NMD3: variants seen among roughly 807,000 people sequenced by gnomAD.
NMD3 encodes 60S ribosomal export protein NMD3.
In NMD3, 47 loss-of-function variants were observed where a neutral mutation model predicts 73.1. The observed-to-expected ratio is 0.64, with a 90% CI of 0.51 to 0.82. The LOEUF (loss-of-function observed/expected upper bound fraction) is 0.82. NMD3 is among the 40% of genes least tolerant of loss of function. The pLI, the probability that NMD3 is intolerant of heterozygous loss-of-function variation, is 0.00. For missense variants in NMD3, 554 were observed against 612.5 expected, an observed-to-expected ratio of 0.90 and a Z score of 1.01; for synonymous variants, 210 against 194.5, an observed-to-expected ratio of 1.08 and a Z score of -0.66.
At chr3:161,238,419 T>G (rs1012095227) in intron 8 of NMD3, among the ~76,000 whole-genome samples, 1 of 152,218 alleles carries the variant, frequency 6.6e-6, no homozygotes, top group African/African-American at 2.4e-5. Flanking sequence ...AAAGGTACTA[T>G]TAGTGTGAAC....
At chr3:161,242,460 G>A in intron 10 of NMD3, 48 bp from the exon 11 acceptor site, 1 of 1,536,292 alleles carries the variant, frequency 6.5e-7, no homozygotes, top group Non-Finnish European at 8.9e-7. Flanking sequence ...TTTGATAATT[G>A]AAATATATAA....
At chr3:161,245,808 A>ATTGTAG (rs1737181336) in intron 11 of NMD3, among the ~76,000 whole-genome samples, 1 of 152,166 alleles carries the variant, frequency 6.6e-6, no homozygotes, top group African/African-American at 2.4e-5. Flanking sequence ...GTAGAGAATG[A>ATTGTAG]TTGTAGTCTA....
intron 7 of NMD3, 26 bp from the exon 8 acceptor site, chr3:161,238,087 C>T: frequency 7.6e-7 from 1 of 1,316,736 alleles, no homozygotes. Flanking sequence ...TAATTATTTT[C>T]ATAGGGCTTT....
At position 161,252,269 on chromosome 3, in the gene NMD3, A is replaced by G. The variant is rs1291138208; in HGVS notation, c.*1359A>G. On this transcript the variant is annotated 3_prime_UTR_variant, in exon 16 of 16. Coordinates refer to ENST00000351193, the MANE Select transcript of NMD3 (RefSeq NM_015938.5). The stretch of plus-strand genomic sequence containing the variant: ...CCGTGTCAAGATATTTTAAAGCATG[A>G]AAATAAAGCCATTCTTGCCCTTTTT... 1 of 152,194 alleles carries G rather than the reference A, an allele frequency of 6.6e-6. No individual in the cohort carries two copies. The highest frequency in any genetic ancestry group is 2.4e-5 in the African/African-American group (1 of 41,454). The allele number at this position is 152,194 out of a possible 1,614,324, so 9.4% of individuals were successfully genotyped here.
chr3:161,240,725 G>A (rs927127261), intron 9 of NMD3, among the ~76,000 whole-genome samples: 1 of 151,170 alleles, frequency 6.6e-6, no homozygotes, highest in African/African-American at 2.4e-5. Flanking sequence ...ATGGAGACAG[G>A]GTCTCCATAT....
chr3:161,227,728 T>C (rs1736379328), intron 4 of NMD3, among the ~76,000 whole-genome samples: 1 of 152,166 alleles, frequency 6.6e-6, no homozygotes. Context: ...ATTACAGGCG[T>C]GAGCCACCAT....
intron 4 of NMD3, among the ~76,000 whole-genome samples, chr3:161,232,883 C>T (rs1736594889): frequency 6.6e-6 from 1 of 150,390 alleles, no homozygotes; most frequent in South Asian, 2.1e-4. Flanking sequence ...ATATAGCAAA[C>T]TGTTTTGGCC....
At chr3:161,249,608 A>G (rs1410433520) in intron 14 of NMD3, 48 bp downstream of exon 14, 2 of 1,142,290 alleles carry the variant, frequency 1.8e-6, no homozygotes, top group Non-Finnish European at 1.3e-6. Context: ...GGAAATATTT[A>G]TGATAAATAC....
At position 161,233,409 on chromosome 3, in the gene NMD3, T is replaced by C; in HGVS notation, c.287T>C (p.Val96Ala). 6.2e-7 allele frequency: 1 copy of C among 1,610,210 alleles called. No individual in the cohort carries two copies. The highest frequency in any genetic ancestry group is 1.7e-4 in the Middle Eastern group (1 of 6,036). The change falls in exon 5 of 16, where the codon GTA becomes GCA. Residue 96 changes from valine to alanine, a missense_variant. Coordinates refer to ENST00000351193, the MANE Select transcript of NMD3 (RefSeq NM_015938.5). The stretch of plus-strand genomic sequence containing the variant: ...TGTGTTTTATTGAAGGTACGGCTTG[T>C]AGATGCAGGCTTTGTTTGGACTGAG... ...IKAPLSKVRL[V>A]DAGFVWTEPH...
chr3:161,226,114 T>C (rs1039733084), intron 3 of NMD3, among the ~76,000 whole-genome samples: 6 of 152,060 alleles, frequency 3.9e-5, no homozygotes, highest in Non-Finnish European at 8.8e-5. Context: ...CTCATCAGAA[T>C]GAAGGGTTTT....
rs368739680 is a variant in NMD3 at position 161,222,038 on chromosome 3, G to C, written c.25G>C (p.Asp9His). 1 of 1,520,242 alleles carries C rather than the reference G, an allele frequency of 6.6e-7. No homozygotes were observed. Among genetic ancestry groups the C allele is most frequent in the Non-Finnish European group, 8.9e-7 (1 of 1,122,782 alleles). The allele number at this position is 1,520,242 out of a possible 1,614,324, so 94.2% of individuals were successfully genotyped here. MEYMAESTDRSPGHILCCE... is the reference protein window; with the variant it reads MEYMAESTHRSPGHILCCE... ...GATGGAGTATATGGCAGAATCCACC[G>C]ACCGCAGCCCTGGACACATGTGAGT... The change falls in exon 2 of 16, where the codon GAC (aspartate) becomes CAC (histidine). Residue 9 changes from aspartate to histidine, a missense_variant. By Grantham distance (81) the Asp-to-His change is moderately conservative. Coordinates refer to ENST00000351193, the MANE Select transcript of NMD3 (RefSeq NM_015938.5).
At chr3:161,233,333 T>G in intron 4 of NMD3, 66 bp from the exon 5 acceptor site, 1 of 1,072,072 alleles carries the variant, frequency 9.3e-7, no homozygotes. Context: ...TGATGATTTG[T>G]TCTTTCGTGT....
At chr3:161,246,934 T>TG (rs1462978376) in intron 12 of NMD3, among the ~76,000 whole-genome samples, 1 of 35,238 alleles carries the variant, frequency 2.8e-5, no homozygotes, top group African/African-American at 1.3e-4. Flanking sequence ...GAATGAGGTG[T>TG]TTTTTTTTTG....
intron 4 of NMD3, among the ~76,000 whole-genome samples, chr3:161,229,758 A>C (rs1380746336): frequency 6.6e-6 from 1 of 152,192 alleles, no homozygotes; most frequent in East Asian, 1.9e-4. Flanking sequence ...AATGAGGAGG[A>C]ATCAGCAAAG....
intron 10 of NMD3, 31 bp from the exon 11 acceptor site, chr3:161,242,477 T>A: frequency 6.3e-7 from 1 of 1,590,008 alleles, no homozygotes; most frequent in East Asian, 2.2e-5. Context: ...ATAATTTTTC[T>A]TATGTTTTTG....
intron 12 of NMD3, 86 bp downstream of exon 12, chr3:161,246,534 T>C (rs562808476): frequency 1.9e-6 from 1 of 521,270 alleles, no homozygotes; most frequent in Non-Finnish European, 3.5e-6. Context: ...AATACTAACA[T>C]TGTTTATTCT....
chr3:161,237,173 A>G (rs982735929), intron 7 of NMD3, among the ~76,000 whole-genome samples: 1 of 152,102 alleles, frequency 6.6e-6, no homozygotes, highest in Non-Finnish European at 1.5e-5. Context: ...TGTCTTTAGT[A>G]ATTTCTACTG....
intron 11 of NMD3, among the ~76,000 whole-genome samples, chr3:161,245,734 G>A (rs1051298282): frequency 1.4e-4 from 21 of 151,794 alleles, no homozygotes; most frequent in Admixed American, 1.4e-3. Flanking sequence ...TTTAAAAATT[G>A]GGATGTTGTT....
Position 161,241,057 on chromosome 3 carries a change from C to A in NMD3, c.765C>A (p.Val255=), listed in dbSNP as rs769379116. The part of the protein sequence containing the change: ...EIVPICKDNV[V]CLSPKLAQSL... ...GTTCTTATGCCTAGGATAATGTTGTCTGTCTGTCTCCAAAACTGGCACAAA... is the reference window on the plus strand; with the variant it reads ...GTTCTTATGCCTAGGATAATGTTGTATGTCTGTCTCCAAAACTGGCACAAA... Residue 255 remains valine (V), a synonymous_variant, in exon 10 of 16, where the codon GTC becomes GTA. Coordinates refer to ENST00000351193, the MANE Select transcript of NMD3 (RefSeq NM_015938.5). 12 of 1,607,740 alleles carry A rather than the reference C, an allele frequency of 7.5e-6. No individual in the cohort carries two copies. The Admixed American group carries it at 1.8e-4, about 25-fold the overall frequency.
Sources: allele counts gnomAD v4.1 joint callset (sites outside exome capture counted in the v4.1 genomes callset), GRCh38; gene constraint gnomAD v4.1.1; transcripts MANE v1.5; gene names NCBI Gene and HGNC (gene_info 2026-07-23, HGNC 2026-07-21).